The following PMPCB variants were observed in gnomAD, a reference collection of about 807,000 sequenced individuals.
PMPCB encodes mitochondrial-processing peptidase subunit beta.
PMPCB carries 46 observed loss-of-function variants against 61.5 expected under a neutral mutation model. The ratio of observed to expected loss-of-function variants is 0.75; its 90% CI spans 0.59 to 0.96. The LOEUF is 0.96. PMPCB is among the 40% of genes least tolerant of loss of function. The pLI, the probability that PMPCB is intolerant of heterozygous loss-of-function variation, is 0.00. For synonymous variants in PMPCB, 191 were observed against 201.6 expected, an observed-to-expected ratio of 0.95 and a Z score of 0.44; for missense variants, 590 against 602.4, an observed-to-expected ratio of 0.98 and a Z score of 0.22.
chr7:103,315,249 T>C (rs1563454400), downstream of PMPCB, among the ~76,000 whole-genome samples: 3 of 151,338 alleles, frequency 2.0e-5, no homozygotes, highest in African/African-American at 7.4e-5. Flanking sequence ...GAAATAATTT[T>C]AGAGGAGTAG....
chr7:103,344,742 G>C, the PMPCB span: 1 of 1,026,848 alleles, frequency 9.7e-7, no homozygotes, highest in Non-Finnish European at 1.5e-6. Context: ...AAGACGCCCA[G>C]GAACCGGCGC....
At chr7:103,319,757 T>G in intron 12 of PMPCB, 1 of 1,614,186 alleles carries the variant, frequency 6.2e-7, no homozygotes, top group Non-Finnish European at 8.5e-7. Context: ...TAGGTATACC[T>G]TGCCAGTTCA....
At chr7:103,334,562 A>C in the PMPCB span, among the ~76,000 whole-genome samples, 14 of 151,110 alleles carry the variant, frequency 9.3e-5, no homozygotes, top group Non-Finnish European at 1.9e-4. Context: ...GATAACAGTT[A>C]GACTCCGTCT....
At chr7:103,320,792 CT>C (rs1554566736) in intron 12 of PMPCB, 1 of 161,992 alleles carries the variant, frequency 6.2e-6, no homozygotes, top group Admixed American at 6.7e-5. Context: ...TATTCTGAAA[CT>C]GTGTCTATAT....
intron 12 of PMPCB, chr7:103,321,960 T>G (rs2115874069): frequency 6.2e-7 from 1 of 1,613,612 alleles, no homozygotes; most frequent in Non-Finnish European, 8.5e-7. Context: ...TTTTTGCCTT[T>G]CCTTCTTAAT....
At chr7:103,326,551 C>A (rs530867878) in intron 12 of PMPCB, 1 of 1,613,904 alleles carries the variant, frequency 6.2e-7, no homozygotes, top group Admixed American at 1.7e-5. Context: ...ACCTGGAATT[C>A]CTTTCAAACA....
intron 12 of PMPCB, chr7:103,327,491 C>G: frequency 1.5e-6 from 1 of 681,496 alleles, no homozygotes; most frequent in Non-Finnish European, 2.5e-6. Context: ...CACTTTGTGT[C>G]GTGAGGCTCT....
At chr7:103,347,367 G>A in the PMPCB span, 1 of 183,882 alleles carries the variant, frequency 5.4e-6, no homozygotes, top group Non-Finnish European at 1.2e-5. Flanking sequence ...TAAAAAATCA[G>A]GTTGTTTTCT....
At chr7:103,298,740 CCCTT>C (rs1227464157) in intron 2 of PMPCB, 32 bp downstream of exon 2, 3 of 1,592,220 alleles carry the variant, frequency 1.9e-6, no homozygotes, top group Non-Finnish European at 2.6e-6. Context: ...CTCTAAGTGA[CCCTT>C]CATTTAGCGT....
At chr7:103,340,866 C>A in the PMPCB span, among the ~76,000 whole-genome samples, 1 of 152,280 alleles carries the variant, frequency 6.6e-6, no homozygotes, top group East Asian at 1.9e-4. Context: ...GACAGCTTCA[C>A]CACTATGGTA....
At position 103,305,644 on chromosome 7, in the gene PMPCB, C is replaced by T. The variant is rs142643270; in HGVS notation, c.736+1154C>T. ...TGTAAATTTTTCTCTTTTTAGAGATCATAATTTAAAAATTCTAGTTGCTCT... is the reference window on the plus strand; with the variant it reads ...TGTAAATTTTTCTCTTTTTAGAGATTATAATTTAAAAATTCTAGTTGCTCT... On this transcript the variant is annotated intron_variant, in intron 6 of 12. Coordinates refer to ENST00000249269, the MANE Select transcript of PMPCB (RefSeq NM_004279.3). Among the ~76,000 whole-genome samples, 573 of 152,326 alleles carry T rather than the reference C, an allele frequency of 3.8e-3. 4 individuals are homozygous for T. Among genetic ancestry groups the T allele is most frequent in the African/African-American group, 0.014 (564 of 41,578 alleles).
rs192926346 is a variant in PMPCB, at chr7:103,326,230, G to A, written c.*1432-2701G>A. Among the ~76,000 whole-genome samples, 726 of 152,196 alleles carry A rather than the reference G, an allele frequency of 4.8e-3. 2 individuals carry two copies. Among genetic ancestry groups the A allele is most frequent in the Admixed American group, 8.2e-3 (126 of 15,282 alleles). On this transcript the variant is annotated intron_variant and NMD_transcript_variant, in intron 12 of 12. Coordinates refer to the PMPCB transcript ENST00000444457. ...TGACCTCAGGTGATCCGTCCACCTC[G>A]GCCTTCCAAAGTGCTGGGATTACAG... is the stretch of plus-strand genomic sequence containing the variant.
chr7:103,307,346 T>C (rs533793283), intron 6 of PMPCB, among the ~76,000 whole-genome samples: 4 of 152,346 alleles, frequency 2.6e-5, no homozygotes, highest in African/African-American at 9.6e-5. Context: ...TCAAGTTGTC[T>C]TATTCTTAGC....
chr7:103,304,390 A>G, intron 5 of PMPCB, 21 bp from the exon 6 acceptor site: 1 of 1,396,778 alleles, frequency 7.2e-7, no homozygotes, highest in Middle Eastern at 1.8e-4. Context: ...TCCTTTAAAA[A>G]TTGTTTTACT....
At chr7:103,309,167 G>T (rs1473373237) in intron 8 of PMPCB, 72 bp downstream of exon 8, 2 of 1,253,982 alleles carry the variant, frequency 1.6e-6, no homozygotes, top group Admixed American at 2.5e-5. Context: ...TAAGTTCTTT[G>T]TAAGAATCCT....
chr7:103,298,306 A>G (rs1327291696), intron 1 of PMPCB, among the ~76,000 whole-genome samples: 1 of 151,836 alleles, frequency 6.6e-6, no homozygotes, highest in Non-Finnish European at 1.5e-5. Flanking sequence ...AAATAAAGTC[A>G]ATTTCTCTCT....
At position 103,329,120 on chromosome 7, in the gene PMPCB, AAGG is replaced by A. The variant is rs1302765667; in HGVS notation, c.*1625_*1627del. Reference sequence around the variant, plus strand: ...TTGTTTTTCATCCTTTAACTGGAAAAAGGAGGGGCTGTCTCAGTTTTTCTTCTG... The same window carrying A: ...TTGTTTTTCATCCTTTAACTGGAAAAAGGGGCTGTCTCAGTTTTTCTTCTG... On this transcript the variant is annotated 3_prime_UTR_variant and NMD_transcript_variant, in exon 13 of 13. Transcript: ENST00000444457. The A allele has an allele frequency of 4.3e-5, 19 of 442,352 alleles. No homozygotes were observed. In the Admixed American group the frequency reaches 6.6e-4, roughly 15 times the overall value. The allele number at this position is 442,352 out of a possible 1,614,324, so 27.4% of individuals were successfully genotyped here.
At chr7:103,326,710 A>C in intron 12 of PMPCB, 1 of 1,591,726 alleles carries the variant, frequency 6.3e-7, no homozygotes, top group Non-Finnish European at 8.5e-7. Context: ...TTAAGATCAC[A>C]TCACCATAAC....
the PMPCB span, among the ~76,000 whole-genome samples, chr7:103,345,950 A>C: frequency 6.6e-6 from 1 of 152,042 alleles, no homozygotes. Context: ...CTTTAAAAAA[A>C]AAAAAATTGA....
Sources: allele counts gnomAD v4.1 joint callset (sites outside exome capture counted in the v4.1 genomes callset), GRCh38; gene constraint gnomAD v4.1.1; transcripts MANE v1.5; gene names NCBI Gene and HGNC (gene_info 2026-07-23, HGNC 2026-07-21).